CIZ1: variants seen among roughly 807,000 people sequenced by gnomAD.
CIZ1 encodes CDKN1A interacting zinc finger protein 1, also known as cip1-interacting zinc finger protein.
A neutral mutation model predicts 118.6 loss-of-function variants in CIZ1; 58 were observed. The observed-to-expected ratio is 0.49, with a 90% CI of 0.40 to 0.61. The LOEUF is 0.61. Ranked by LOEUF, CIZ1 falls within the 20% of genes least tolerant of loss-of-function variation. The pLI is 0.00. For missense variants in CIZ1, 921 were observed against 1,115.9 expected (o/e 0.83, Z 2.49); for synonymous variants, 448 against 443.4 (o/e 1.01, Z -0.13).
intron 2 of CIZ1, 118 bp downstream of exon 2, chr9:128,190,570 T>G (rs1833005473): frequency 7.1e-7 from 1 of 1,398,896 alleles, no homozygotes; most frequent in African/African-American, 1.4e-5. Flanking sequence ...GGGCTGGAAT[T>G]GGTGATCTCC....
At chr9:128,167,336 G>C in intron 14 of CIZ1, 172 bp from the exon 15 acceptor site, 1 of 593,290 alleles carries the variant, frequency 1.7e-6, no homozygotes, top group South Asian at 2.1e-5. Context: ...CTGCCTCCCA[G>C]AGTGCTCTTC....
Position 128,176,479 on chromosome 9 carries a change from C to A in CIZ1, c.1819-4G>T. ...CCGACATGTGGTCCTGGAACTCCTG[C>A]AGCAGGAGGGAAAGAGGGATGGGCC... is the stretch of plus-strand genomic sequence containing the variant. On this transcript the variant is annotated splice_region_variant and splice_polypyrimidine_tract_variant and intron_variant, in intron 10 of 16. Coordinates refer to ENST00000372938, the MANE Select transcript of CIZ1 (RefSeq NM_001131016.2). The A allele has an allele frequency of 5.6e-6, 9 of 1,612,314 alleles. No homozygotes were observed. The highest frequency in any genetic ancestry group is 7.6e-6 in the Non-Finnish European group (9 of 1,179,588).
rs565736877 is a variant in CIZ1, at chr9:128,191,259, G to A, written c.-6+173C>T. The A allele has an allele frequency of 8.4e-4, 194 of 231,736 alleles. 1 individual carries two copies. Among genetic ancestry groups the A allele is most frequent in the Middle Eastern group, 8.0e-3 (5 of 626 alleles). 14.4% of individuals were successfully genotyped at this position (231,736 alleles called of 1,614,324 possible). On this transcript the variant is annotated intron_variant, in intron 1 of 16. Coordinates refer to ENST00000372938, the MANE Select transcript of CIZ1 (RefSeq NM_001131016.2). The surrounding 1 kb of genome is among the most constrained non-coding windows in gnomAD (Gnocchi z 5.5). ...GGGCCCCCGGGTGTCAATAACATCG[G>A]CACCCGTCCAACCCGGTCACCGTGG... is the stretch of plus-strand genomic sequence containing the variant.
rs1362763567 is a variant in CIZ1 at position 128,166,461 on chromosome 9, C to T, written c.2488-55G>A. The T allele has an allele frequency of 7.4e-7, 1 of 1,359,276 alleles. No homozygotes were observed. The highest frequency in any genetic ancestry group is 1.5e-5 in the African/African-American group (1 of 68,368). 84.2% of individuals were successfully genotyped at this position (1,359,276 alleles called of 1,614,324 possible). A position where few individuals can be genotyped will look rare whatever the true frequency, so the allele number is the denominator to read the frequency against. On this transcript the variant is annotated intron_variant, in intron 16 of 16. Transcript: ENST00000372938. The surrounding 1 kb of genome is among the most constrained non-coding windows in gnomAD (Gnocchi z 4.4). ...GGTCTCCTCCCTACATGGTATGCTC[C>T]TGGCCAGCAGCTACTTCCCCAGCTC...
chr9:128,185,946 T>G (rs1832311883), intron 4 of CIZ1, among the ~76,000 whole-genome samples, 170 bp from the exon 5 acceptor site: 2 of 152,090 alleles, frequency 1.3e-5, no homozygotes, highest in African/African-American at 4.8e-5. Flanking sequence ...CTCAGCCCCA[T>G]CTTGGGCACT....
intron 11 of CIZ1, among the ~76,000 whole-genome samples, chr9:128,172,147 C>CAAAAAA (rs58895140): frequency 1.7e-4 from 12 of 69,154 alleles, no homozygotes; most frequent in African/African-American, 6.2e-4. Context: ...GACACTGTCT[C>CAAAAAA]AAAAAAAAAA....
chr9:128,167,316 C>G, intron 14 of CIZ1, 152 bp from the exon 15 acceptor site: 1 of 608,308 alleles, frequency 1.6e-6, no homozygotes, highest in Non-Finnish European at 2.9e-6. Flanking sequence ...AGCCTTTGCA[C>G]ATGGTGATCC....
In CIZ1 at chr9:128,180,460, G is replaced by A; in HGVS notation, c.746C>T (p.Pro249Leu). 2 of 1,614,190 alleles carry A rather than the reference G, an allele frequency of 1.2e-6. No homozygotes were observed. Among genetic ancestry groups the A allele is most frequent in the Non-Finnish European group, 1.7e-6 (2 of 1,180,036 alleles). The part of the protein sequence containing the change: ...AKEKRTPAPE[P>L]EPCEASELPA... ...CAGCTCGGACGCCTCACAAGGCTCAGGCTCAGGTGCTGGAGTGCGTTTTTC... is the reference window on the plus strand; with the variant it reads ...CAGCTCGGACGCCTCACAAGGCTCAAGCTCAGGTGCTGGAGTGCGTTTTTC... The change falls in exon 7 of 17, where the codon CCT becomes CTT. Residue 249 changes from proline to leucine, a missense_variant. Pro to Leu is a moderately conservative substitution (Grantham distance 98). Transcript: ENST00000372938.
rs1830830765 is a variant in CIZ1 at position 128,176,249 on chromosome 9, C to T, written c.1943+102G>A. The stretch of plus-strand genomic sequence containing the variant: ...GTGTGAGGAGGCCTGGCTGGGGGTG[C>T]AGTGCTTAACCCAAAGGTAAACCCT... On this transcript the variant is annotated intron_variant, in intron 11 of 16. Transcript: ENST00000372938. 2.8e-5 allele frequency: 40 copies of T among 1,437,982 alleles called. No homozygotes were observed. In the South Asian group the frequency reaches 4.6e-4, roughly 16 times the overall value. The allele number at this position is 1,437,982 out of a possible 1,614,324, so 89.1% of individuals were successfully genotyped here. A position where few individuals can be genotyped will look rare whatever the true frequency, so the allele number is the denominator to read the frequency against.
At chr9:128,169,002 G>A in intron 14 of CIZ1, 50 bp downstream of exon 14, 2 of 1,611,426 alleles carry the variant, frequency 1.2e-6, no homozygotes, top group Non-Finnish European at 1.7e-6. Context: ...GGTCTGTCCT[G>A]GGCTGGGAAT....
At chr9:128,187,171 C>A (rs555859873) in intron 4 of CIZ1, among the ~76,000 whole-genome samples, 1 of 152,270 alleles carries the variant, frequency 6.6e-6, no homozygotes, top group African/African-American at 2.4e-5. Context: ...AACTCCTGAC[C>A]TCAGGGTGAT....
Position 128,166,492 on chromosome 9 carries a change from G to T in CIZ1, c.2488-86C>A. The T allele has an allele frequency of 8.5e-7, 1 of 1,179,250 alleles. No individual in the cohort carries two copies. Among genetic ancestry groups the T allele is most frequent in the Non-Finnish European group, 1.2e-6 (1 of 842,050 alleles). 73.0% of individuals were successfully genotyped at this position (1,179,250 alleles called of 1,614,324 possible). ...AGCAGCTACTTCCCCAGCTCTGGCT[G>T]AGACAGTATTAGTGTGCTCTGTGAC... On this transcript the variant is annotated intron_variant, in intron 16 of 16. Coordinates refer to ENST00000372938, the MANE Select transcript of CIZ1 (RefSeq NM_001131016.2). This position sits in a 1 kb window ranked among gnomAD's most constrained non-coding sequence, Gnocchi z 4.4.
In CIZ1 at chr9:128,168,990, G is replaced by A. The variant is rs547811623; in HGVS notation, c.2295+62C>T. ...GTGTCTGGCCTCCGGGAGGTGGGAT[G>A]AGGTCTGTCCTGGGCTGGGAATCCA... On this transcript the variant is annotated intron_variant, in intron 14 of 16. Transcript: ENST00000372938. 1.2e-5 allele frequency: 20 copies of A among 1,605,158 alleles called. No homozygotes were observed. In the East Asian group the frequency reaches 4.2e-4, roughly 34 times the overall value.
intron 1 of CIZ1, among the ~76,000 whole-genome samples, chr9:128,200,959 C>T (rs1305284247): frequency 6.6e-6 from 1 of 151,990 alleles, no homozygotes; most frequent in East Asian, 1.9e-4. Context: ...CATGGTGAAA[C>T]CCTATCTCTA....
At chr9:128,176,764 A>G (rs1188028440) in intron 10 of CIZ1, among the ~76,000 whole-genome samples, 1 of 152,214 alleles carries the variant, frequency 6.6e-6, no homozygotes, top group Non-Finnish European at 1.5e-5. Context: ...AGAGTAACAC[A>G]GCTCACAGCA....
Position 128,177,540 on chromosome 9 carries a change from C to T in CIZ1, c.1818+26G>A. ...GCATTCCACGCAGGCCCCACCCCTC[C>T]CCACCCTTATCTCCTGTATCAGTAC... On this transcript the variant is annotated intron_variant, in intron 10 of 16. Coordinates refer to ENST00000372938, the MANE Select transcript of CIZ1 (RefSeq NM_001131016.2). The T allele has an allele frequency of 4.1e-6, 5 of 1,208,906 alleles. 1 individual carries two copies. The highest frequency in any genetic ancestry group is 2.8e-5 in the East Asian group (1 of 35,598). 74.9% of individuals were successfully genotyped at this position (1,208,906 alleles called of 1,614,324 possible).
intron 11 of CIZ1, among the ~76,000 whole-genome samples, 179 bp downstream of exon 11, chr9:128,176,172 C>G (rs1564261325): frequency 6.6e-6 from 1 of 152,234 alleles, no homozygotes; most frequent in Non-Finnish European, 1.5e-5. Context: ...TATCCGTCAC[C>G]AAGCCATGTT....
upstream of CIZ1, among the ~76,000 whole-genome samples, chr9:128,195,313 T>A (rs76819572): frequency 0.034 from 5,132 of 152,004 alleles, 279 homozygotes; most frequent in African/African-American, 0.12. Flanking sequence ...ATCCCAGGTG[T>A]TTTTGTTTTG....
chr9:128,181,724 G>A (rs952587539), intron 5 of CIZ1, among the ~76,000 whole-genome samples: 11 of 150,788 alleles, frequency 7.3e-5, no homozygotes, highest in Admixed American at 3.3e-4. Flanking sequence ...AGCAAAAGGC[G>A]TCAAGGAACA....
Sources: allele counts gnomAD v4.1 joint callset (sites outside exome capture counted in the v4.1 genomes callset), GRCh38; gene constraint gnomAD v4.1.1; non-coding constraint Gnocchi (gnomAD v3.1); transcripts MANE v1.5; gene names NCBI Gene and HGNC (gene_info 2026-07-23, HGNC 2026-07-21).